Variants in ZBED4 observed in about 807,000 individuals in gnomAD.
The protein encoded by ZBED4 is zinc finger BED-type containing 4.
A neutral mutation model predicts 15.5 loss-of-function variants in ZBED4; 4 were observed. The ratio of observed to expected loss-of-function variants is 0.26; its 90% CI spans 0.13 to 0.59. The LOEUF is 0.59. Ranked by LOEUF, ZBED4 falls within the 20% of genes least tolerant of loss-of-function variation. ZBED4 has a pLI of 0.90. For missense variants in ZBED4, 1,323 were observed against 1,461.8 expected, an observed-to-expected ratio of 0.91 and a Z score of 1.55; for synonymous variants, 692 against 608.5, an observed-to-expected ratio of 1.14 and a Z score of -2.02.
Position 49,884,527 on chromosome 22 carries a change from G to A in ZBED4, c.865G>A (p.Ala289Thr), listed in dbSNP as rs757888441. 8.1e-6 allele frequency: 13 copies of A among 1,614,030 alleles called. No homozygotes were observed. Among genetic ancestry groups the A allele is most frequent in the East Asian group, 2.2e-5 (1 of 44,888 alleles). ...KSTSGSRRRS[A>T]VWKHFYLSPL... ...CACCTCTGGGTCCAGGAGAAGGTCC[G>A]CTGTCTGGAAGCACTTCTACCTGTC... is the stretch of plus-strand genomic sequence containing the variant. Residue 289 changes from alanine to threonine, a missense_variant, in exon 2 of 2, where the codon GCT (alanine) becomes ACT (threonine). Coordinates refer to ENST00000216268, the MANE Select transcript of ZBED4 (RefSeq NM_014838.3).
At chr22:49,853,588 C>T (rs969583330), upstream of ZBED4, among the ~76,000 whole-genome samples, 2 of 152,108 alleles carry the variant, frequency 1.3e-5, no homozygotes, top group Non-Finnish European at 2.9e-5. Flanking sequence ...CGTCGCCCGC[C>T]AGCGCCGGAG....
At chr22:49,857,716 T>C (rs1221984661) in intron 1 of ZBED4, among the ~76,000 whole-genome samples, 1 of 152,176 alleles carries the variant, frequency 6.6e-6, no homozygotes, top group Non-Finnish European at 1.5e-5. Context: ...CTTAGCTCCC[T>C]GAGTAGCTGG....
intron 1 of ZBED4, among the ~76,000 whole-genome samples, chr22:49,874,781 C>G (rs2060367924): frequency 1.4e-5 from 2 of 145,266 alleles, no homozygotes; most frequent in Admixed American, 7.0e-5. Context: ...CGTCCAGGTT[C>G]AAGCGATTCT....
intron 1 of ZBED4, among the ~76,000 whole-genome samples, chr22:49,882,323 G>A (rs1393659172): frequency 1.3e-5 from 2 of 152,158 alleles, no homozygotes; most frequent in African/African-American, 4.8e-5. Flanking sequence ...AGGCTGAGTC[G>A]GGAGGAGGGC....
At chr22:49,856,477 G>A (rs1280773739) in intron 1 of ZBED4, among the ~76,000 whole-genome samples, 1 of 152,250 alleles carries the variant, frequency 6.6e-6, no homozygotes, top group African/African-American at 2.4e-5. Context: ...GGAAGCCCCA[G>A]GAGAGCATTG....
intron 1 of ZBED4, among the ~76,000 whole-genome samples, chr22:49,856,720 C>A (rs4058455): frequency 0.011 from 214 of 20,362 alleles, 1 homozygote; most frequent in Admixed American, 0.035. Context: ...GTGAAGGCCG[C>A]GCTGGAATCC....
At chr22:49,870,834 C>T (rs1377045961) in intron 1 of ZBED4, among the ~76,000 whole-genome samples, 4 of 151,846 alleles carry the variant, frequency 2.6e-5, no homozygotes, top group Non-Finnish European at 5.9e-5. Flanking sequence ...TTAGTTAGGT[C>T]CCAGTTGTCA....
At chr22:49,867,399 G>T (rs2060326863) in intron 1 of ZBED4, among the ~76,000 whole-genome samples, 1 of 152,224 alleles carries the variant, frequency 6.6e-6, no homozygotes, top group South Asian at 2.1e-4. Context: ...AGGCACTGCG[G>T]TGCATCCACT....
At position 49,883,992 on chromosome 22, in the gene ZBED4, G is replaced by A. The variant is rs748178896; in HGVS notation, c.330G>A (p.Arg110=). 1 of 1,612,994 alleles carries A rather than the reference G, an allele frequency of 6.2e-7. No homozygotes were observed. The highest frequency in any genetic ancestry group is 8.5e-7 in the Non-Finnish European group (1 of 1,179,664). The change falls in exon 2 of 2, where the codon CGG becomes CGA. Residue 110 remains arginine, a synonymous_variant. Transcript: ENST00000216268. The part of the protein sequence containing the change: ...EAVTQSLLSS[R]NMSSRKKSPA... ...TGACCCAGAGCCTCCTTTCCAGCCG[G>A]AACATGAGCTCCAGGAAGAAGTCTC... is the stretch of plus-strand genomic sequence containing the variant.
At chr22:49,857,983 CGATCTCCT>C (rs1766784825) in intron 1 of ZBED4, among the ~76,000 whole-genome samples, 1 of 152,014 alleles carries the variant, frequency 6.6e-6, no homozygotes, top group Non-Finnish European at 1.5e-5. Flanking sequence ...AGGGTGGTCT[CGATCTCCT>C]GATCTCGTGA....
At chr22:49,876,618 T>C (rs973528038) in intron 1 of ZBED4, among the ~76,000 whole-genome samples, 2 of 152,230 alleles carry the variant, frequency 1.3e-5, no homozygotes, top group African/African-American at 4.8e-5. Flanking sequence ...TATACCTTTT[T>C]TCATCCATTT....
At chr22:49,877,619 T>C (rs977737908) in intron 1 of ZBED4, among the ~76,000 whole-genome samples, 3 of 152,160 alleles carry the variant, frequency 2.0e-5, no homozygotes, top group Admixed American at 6.5e-5. Context: ...TTGGGTATAA[T>C]TGATATACAA....
chr22:49,880,208 C>T (rs746427757), intron 1 of ZBED4, among the ~76,000 whole-genome samples: 32 of 152,076 alleles, frequency 2.1e-4, no homozygotes, highest in Non-Finnish European at 4.6e-4. Context: ...CTGTTCAGTC[C>T]GGACCCTTCT....
Position 49,885,882 on chromosome 22 carries a change from C to A in ZBED4, c.2220C>A (p.Thr740=). The change falls in exon 2 of 2, where the codon ACC becomes ACA. Residue 740 remains threonine, a synonymous_variant. Transcript: ENST00000216268. ...CTGGAATATGGATGAGTAACCAGAC[C>A]CGTGAGTACCTGACCCTCACGGCCC... ...FTSGIWMSNQ[T]REYLTLTAHW... 2 of 1,206,058 alleles carry A rather than the reference C, an allele frequency of 1.7e-6. No individual in the cohort carries two copies. The highest frequency in any genetic ancestry group is 2.5e-6 in the Non-Finnish European group (2 of 815,144). 74.7% of individuals were successfully genotyped at this position (1,206,058 alleles called of 1,614,324 possible). A position where few individuals can be genotyped will look rare whatever the true frequency, so the allele number is the denominator to read the frequency against.
intron 1 of ZBED4, among the ~76,000 whole-genome samples, chr22:49,854,817 T>C (rs952634260): frequency 1.3e-5 from 2 of 152,316 alleles, no homozygotes; most frequent in South Asian, 2.1e-4. Context: ...AGGGAAGTTA[T>C]TTATTTTGAA....
chr22:49,857,205 G>C lies in ZBED4; in HGVS notation c.-330+3216G>C, dbSNP rs73441757. On this transcript the variant is annotated intron_variant, in intron 1 of 1. Coordinates refer to ENST00000216268, the MANE Select transcript of ZBED4 (RefSeq NM_014838.3). Reference sequence around the variant, plus strand: ...CATTTCGGAGAGCTCTGGTTGCTCCGTCATAGAAGCCATGCTCCACATCCT... The same window carrying C: ...CATTTCGGAGAGCTCTGGTTGCTCCCTCATAGAAGCCATGCTCCACATCCT... Among the ~76,000 whole-genome samples, 27 of 152,314 alleles carry C rather than the reference G, an allele frequency of 1.8e-4. No individual in the cohort carries two copies. In the South Asian group the frequency reaches 3.1e-3, roughly 18 times the overall value.
In ZBED4 at chr22:49,883,562, A is replaced by G. The variant is rs534196826; in HGVS notation, c.-101A>G. The G allele has an allele frequency of 1.4e-6, 2 of 1,414,312 alleles. No homozygotes were observed. The highest frequency in any genetic ancestry group is 1.5e-5 in the African/African-American group (1 of 68,578). The allele number at this position is 1,414,312 out of a possible 1,614,324, so 87.6% of individuals were successfully genotyped here. A position where few individuals can be genotyped will look rare whatever the true frequency, so the allele number is the denominator to read the frequency against. On this transcript the variant is annotated 5_prime_UTR_variant, in exon 2 of 2. An upstream start codon of the reference 5' UTR is lost. Coordinates refer to ENST00000216268, the MANE Select transcript of ZBED4 (RefSeq NM_014838.3). The stretch of plus-strand genomic sequence containing the variant: ...TAGAAACATCCTGAAAGATGGAATT[A>G]TGACGAAAAAGTGAAGATAATCTAC...
intron 1 of ZBED4, among the ~76,000 whole-genome samples, chr22:49,858,508 A>T (rs1601780778): frequency 6.6e-6 from 1 of 152,206 alleles, no homozygotes; most frequent in Non-Finnish European, 1.5e-5. Flanking sequence ...GAAGGTTATT[A>T]TAAAGTTTCT....
In ZBED4 at chr22:49,884,894, TG is replaced by T; in HGVS notation, c.1234del (p.Ala412ArgfsTer9). ...CCTGGAGATGGGCTGATGGAAGACG[TG>T]GCGGCCTTCTCATCTTCCGATGACA... ...LNPGDGLMED[V>X]AAFSSSDDIG... On this transcript the variant is annotated frameshift_variant, in exon 2 of 2. Coordinates refer to ENST00000216268, the MANE Select transcript of ZBED4 (RefSeq NM_014838.3). LOFTEE classifies it low-confidence loss of function (END_TRUNC). 1 of 1,603,364 alleles carries T rather than the reference TG, an allele frequency of 6.2e-7. No individual in the cohort carries two copies. The highest frequency in any genetic ancestry group is 8.5e-7 in the Non-Finnish European group (1 of 1,173,034).
Sources: allele counts gnomAD v4.1 joint callset (sites outside exome capture counted in the v4.1 genomes callset), GRCh38; gene constraint gnomAD v4.1.1; transcripts MANE v1.5; gene names NCBI Gene and HGNC (gene_info 2026-07-23, HGNC 2026-07-21).